EIF2S1: variants seen among roughly 807,000 people sequenced by gnomAD.
EIF2S1 encodes eukaryotic translation initiation factor 2 subunit 1.
In EIF2S1, 5 loss-of-function variants were observed where a neutral mutation model predicts 33.5. That is an observed-to-expected ratio of 0.15 (90% CI 0.08 to 0.31). The LOEUF (loss-of-function observed/expected upper bound fraction) is 0.31, where lower values mean the gene tolerates loss of function less well. Among genes scored for constraint, EIF2S1 ranks in the 10% least tolerant of loss-of-function variants. The pLI is 1.00. For missense variants in EIF2S1, 191 were observed against 384.6 expected, an observed-to-expected ratio of 0.50 and a Z score of 4.21; for synonymous variants, 99 against 127.5, an observed-to-expected ratio of 0.78 and a Z score of 1.51.
chr14:67,381,744 G>C (rs1595650833), intron 6 of EIF2S1, 54 bp downstream of exon 6: 1 of 1,216,790 alleles, frequency 8.2e-7, no homozygotes, highest in Non-Finnish European at 1.2e-6. Context: ...AACCAAATAG[G>C]ATCTTTGATC....
intron 6 of EIF2S1, among the ~76,000 whole-genome samples, chr14:67,381,958 G>A (rs2085889799): frequency 6.6e-6 from 1 of 152,062 alleles, no homozygotes; most frequent in African/African-American, 2.4e-5. Context: ...ACAATAAAGA[G>A]TTGCTGTGCC....
Position 67,386,023 on chromosome 14 carries a change from T to C in EIF2S1, c.*2583T>C, listed in dbSNP as rs189808545. 1 of 152,306 alleles carries C rather than the reference T, an allele frequency of 6.6e-6. No homozygotes were observed. Among genetic ancestry groups the C allele is most frequent in the Admixed American group, 6.5e-5 (1 of 15,284 alleles). The allele number at this position is 152,306 out of a possible 1,614,324, so 9.4% of individuals were successfully genotyped here. A position where few individuals can be genotyped will look rare whatever the true frequency, so the allele number is the denominator to read the frequency against. Reference sequence around the variant, plus strand: ...CTGATTTGCCCCAACCCCAAGGTAATGGTCATCTACTTTGCAACCTATGGA... The same window carrying C: ...CTGATTTGCCCCAACCCCAAGGTAACGGTCATCTACTTTGCAACCTATGGA... On this transcript the variant is annotated 3_prime_UTR_variant, in exon 8 of 8. Coordinates refer to ENST00000256383, the MANE Select transcript of EIF2S1 (RefSeq NM_004094.5).
chr14:67,374,624 C>A, intron 3 of EIF2S1, 77 bp downstream of exon 3: 2 of 937,392 alleles, frequency 2.1e-6, no homozygotes, highest in Non-Finnish European at 3.2e-6. Context: ...TTTCATACTG[C>A]TACTACCTTA....
chr14:67,380,791 A>G (rs750736140), intron 5 of EIF2S1, 26 bp downstream of exon 5: 2 of 1,369,040 alleles, frequency 1.5e-6, no homozygotes, highest in Admixed American at 2.4e-5. Flanking sequence ...AATGATTTTT[A>G]CAGTATTTTG....
At chr14:67,369,497 C>G (rs925484855) in intron 2 of EIF2S1, among the ~76,000 whole-genome samples, 2 of 152,192 alleles carry the variant, frequency 1.3e-5, no homozygotes, top group Admixed American at 1.3e-4. Flanking sequence ...TAGAACACTG[C>G]ACCCAGAAAA....
In EIF2S1 at chr14:67,384,077, T is replaced by C. The variant is rs377613942; in HGVS notation, c.*637T>C. On this transcript the variant is annotated 3_prime_UTR_variant, in exon 8 of 8. Transcript: ENST00000256383. ...TAGCGGGACAAAGCCTTAAAATGCATTGAAAGAATTAGATCGGTTCTGTGC... is the reference window on the plus strand; with the variant it reads ...TAGCGGGACAAAGCCTTAAAATGCACTGAAAGAATTAGATCGGTTCTGTGC... The C allele has an allele frequency of 1.2e-4, 18 of 154,832 alleles. No individual in the cohort carries two copies. Among genetic ancestry groups the C allele is most frequent in the African/African-American group, 4.1e-4 (17 of 41,574 alleles). The allele number at this position is 154,832 out of a possible 1,614,324, so 9.6% of individuals were successfully genotyped here.
chr14:67,376,155 A>G (rs150391698), intron 3 of EIF2S1, among the ~76,000 whole-genome samples: 16 of 130,244 alleles, frequency 1.2e-4, no homozygotes, highest in African/African-American at 6.3e-4. Context: ...TATTTGATCT[A>G]TGCGAGCACT....
In EIF2S1 at chr14:67,382,607, C is replaced by CATT. The variant is rs781158063; in HGVS notation, c.822+18_822+20dup. ...CAAATGGAGGTGAGATCAATAGATT[C>CATT]ATTTTTAATAATGACTCAGGAGGTT... is the stretch of plus-strand genomic sequence containing the variant. On this transcript the variant is annotated intron_variant, in intron 7 of 7. Coordinates refer to ENST00000256383, the MANE Select transcript of EIF2S1 (RefSeq NM_004094.5). 8.7e-6 allele frequency: 14 copies of CATT among 1,613,338 alleles called. No homozygotes were observed. The highest frequency in any genetic ancestry group is 1.1e-5 in the Non-Finnish European group (13 of 1,179,550).
At chr14:67,378,824 G>A (rs2141147490) in intron 4 of EIF2S1, among the ~76,000 whole-genome samples, 1 of 152,270 alleles carries the variant, frequency 6.6e-6, no homozygotes, top group Non-Finnish European at 1.5e-5. Context: ...TTCTGACATA[G>A]TTGGAAACAA....
At position 67,360,357 on chromosome 14, in the gene EIF2S1, TGAG is replaced by T. The variant is rs1411470944; in HGVS notation, c.-95_-93del. The T allele has an allele frequency of 1.3e-5, 5 of 397,272 alleles. No individual in the cohort carries two copies. The Admixed American group carries it at 1.8e-4, about 14-fold the overall frequency. The allele number at this position is 397,272 out of a possible 1,614,324, so 24.6% of individuals were successfully genotyped here. A position where few individuals can be genotyped will look rare whatever the true frequency, so the allele number is the denominator to read the frequency against. On this transcript the variant is annotated 5_prime_UTR_variant, in exon 1 of 8. Coordinates refer to ENST00000256383, the MANE Select transcript of EIF2S1 (RefSeq NM_004094.5). ...GCGGTGGAGTGAGCGAAGCGCACGC[TGAG>T]GAGGATCGGCGGCCGGTGAGGGGGA...
chr14:67,373,842 AGTGTGTGTGTGTGTGTGT>A (rs35163593), intron 2 of EIF2S1, among the ~76,000 whole-genome samples: 1 of 145,686 alleles, frequency 6.9e-6, no homozygotes, highest in African/African-American at 2.5e-5. Flanking sequence ...TAATTTGTTC[AGTGTGTGTGTGTGTGTGT>A]GTGTGTGTGT....
chr14:67,369,856 T>TGTTGGGGA (rs2085807515), intron 2 of EIF2S1, among the ~76,000 whole-genome samples: 1 of 152,234 alleles, frequency 6.6e-6, no homozygotes, highest in African/African-American at 2.4e-5. Flanking sequence ...AGACCAGCTC[T>TGTTGGGGA]GTTGGGGAGA....
chr14:67,367,653 A>G (rs565062529), intron 2 of EIF2S1, among the ~76,000 whole-genome samples: 18 of 139,974 alleles, frequency 1.3e-4, no homozygotes, highest in African/African-American at 5.3e-4. Flanking sequence ...CTGGGGCAAC[A>G]TGGCAAAACC....
rs973972100 is a variant in EIF2S1, at chr14:67,371,731, T to C, written c.242-2737T>C. ...TAATCTTAACAGCACTGCTGCTATA[T>C]ATGCAATCTATTGTTTACTGAAATG... On this transcript the variant is annotated intron_variant, in intron 2 of 7. Coordinates refer to ENST00000256383, the MANE Select transcript of EIF2S1 (RefSeq NM_004094.5). Among the ~76,000 whole-genome samples the C allele has an allele frequency of 3.3e-5, 5 of 152,286 alleles. No homozygotes were observed. The South Asian group carries it at 1.0e-3, about 32-fold the overall frequency.
rs1202819733 is a variant in EIF2S1, at chr14:67,384,657, G to A, written c.*1217G>A. The A allele has an allele frequency of 7.9e-5, 12 of 152,190 alleles. No individual in the cohort carries two copies. The highest frequency in any genetic ancestry group is 6.5e-4 in the Admixed American group (10 of 15,270). 9.4% of individuals were successfully genotyped at this position (152,190 alleles called of 1,614,324 possible). On this transcript the variant is annotated 3_prime_UTR_variant, in exon 8 of 8. Coordinates refer to ENST00000256383, the MANE Select transcript of EIF2S1 (RefSeq NM_004094.5). ...AGACTACTCAATATTAAAGGGTCTG[G>A]AAAATAGAAGAGTGTGTTGGGCAGG...
At chr14:67,367,835 CAA>C (rs879924557) in intron 2 of EIF2S1, among the ~76,000 whole-genome samples, 8 of 130,936 alleles carry the variant, frequency 6.1e-5, no homozygotes, top group Non-Finnish European at 9.9e-5. Flanking sequence ...GACCTTGTCT[CAA>C]AAAAAAAAAA....
At chr14:67,378,124 TAA>T (rs750515236) in intron 4 of EIF2S1, among the ~76,000 whole-genome samples, 31 of 134,146 alleles carry the variant, frequency 2.3e-4, no homozygotes, top group Non-Finnish European at 2.6e-4. Flanking sequence ...CCTTGTCTCT[TAA>T]AAAAAAAAAA....
chr14:67,368,570 CAG>C (rs989787852), intron 2 of EIF2S1, among the ~76,000 whole-genome samples: 1 of 152,120 alleles, frequency 6.6e-6, no homozygotes, highest in African/African-American at 2.4e-5. Flanking sequence ...GCTAAGAAAA[CAG>C]AATACTGTTT....
At chr14:67,371,782 G>A (rs912308842) in intron 2 of EIF2S1, among the ~76,000 whole-genome samples, 1 of 152,216 alleles carries the variant, frequency 6.6e-6, no homozygotes, top group Non-Finnish European at 1.5e-5. Flanking sequence ...CTAATTTTAT[G>A]AGGCCATCAT....
Sources: allele counts gnomAD v4.1 joint callset (sites outside exome capture counted in the v4.1 genomes callset), GRCh38; gene constraint gnomAD v4.1.1; transcripts MANE v1.5; gene names NCBI Gene and HGNC (gene_info 2026-07-23, HGNC 2026-07-21).